The following PDSS1 variants were observed in gnomAD, a reference collection of about 807,000 sequenced individuals.
PDSS1 encodes the protein all trans-polyprenyl-diphosphate synthase PDSS1.
In PDSS1, 43 loss-of-function variants were observed where a neutral mutation model predicts 57.5. The ratio of observed to expected loss-of-function variants is 0.75; its 90% CI spans 0.59 to 0.96. PDSS1 has a LOEUF of 0.96. Among genes scored for constraint, PDSS1 ranks in the 50% least tolerant of loss-of-function variants. The pLI is 0.00. For synonymous variants in PDSS1, 175 were observed against 191.3 expected, an observed-to-expected ratio of 0.91 and a Z score of 0.70; for missense variants, 438 against 527.8, an observed-to-expected ratio of 0.83 and a Z score of 1.67.
At chr10:26,731,976 C>T (rs747839767) in intron 8 of PDSS1, among the ~76,000 whole-genome samples, 1 of 152,206 alleles carries the variant, frequency 6.6e-6, no homozygotes, top group Admixed American at 6.5e-5. Context: ...CTCGTTGAGA[C>T]GTGGCTTGTA....
chr10:26,704,390 T>G (rs2132216558), intron 2 of PDSS1, among the ~76,000 whole-genome samples: 1 of 152,308 alleles, frequency 6.6e-6, no homozygotes, highest in East Asian at 1.9e-4. Flanking sequence ...AAACTAATTT[T>G]CAGGTCTGGA....
chr10:26,734,507 T>C (rs768121828), intron 8 of PDSS1: 3 of 360,572 alleles, frequency 8.3e-6, no homozygotes, highest in Non-Finnish European at 1.6e-5. Flanking sequence ...GCCAGCTAGC[T>C]TTTTGGAGTT....
intron 2 of PDSS1, among the ~76,000 whole-genome samples, chr10:26,704,194 A>C (rs1278161692): frequency 6.6e-6 from 1 of 151,918 alleles, no homozygotes; most frequent in Non-Finnish European, 1.5e-5. Flanking sequence ...AATCCGATTC[A>C]TTCCAGAATA....
chr10:26,731,211 G>C (rs1218303721), intron 8 of PDSS1, among the ~76,000 whole-genome samples: 2 of 151,860 alleles, frequency 1.3e-5, no homozygotes, highest in African/African-American at 4.8e-5. Context: ...TATGGTGGTG[G>C]GTGCCTGTAA....
intron 11 of PDSS1, 132 bp from the exon 12 acceptor site, chr10:26,746,201 T>C (rs1836889435): frequency 2.1e-6 from 2 of 939,748 alleles, no homozygotes; most frequent in African/African-American, 1.6e-5. Context: ...ATTAGAGATG[T>C]AGTTTGACTG....
chr10:26,741,960 C>T (rs1298451912), intron 10 of PDSS1, among the ~76,000 whole-genome samples: 2 of 152,178 alleles, frequency 1.3e-5, no homozygotes, highest in Non-Finnish European at 2.9e-5. Flanking sequence ...CTGCAACCTC[C>T]ACCTCCCCAG....
At chr10:26,719,428 A>C (rs974462449) in intron 5 of PDSS1, among the ~76,000 whole-genome samples, 2 of 152,374 alleles carry the variant, frequency 1.3e-5, no homozygotes, top group East Asian at 1.9e-4. Flanking sequence ...AAAGTTTTAC[A>C]AACATCTTCT....
chr10:26,721,739 G>A (rs977792473), intron 6 of PDSS1, among the ~76,000 whole-genome samples: 1 of 152,122 alleles, frequency 6.6e-6, no homozygotes, highest in African/African-American at 2.4e-5. Flanking sequence ...AGCCTTGGGC[G>A]GGGGAAGAGG....
At chr10:26,699,255 G>A (rs1834969516) in intron 1 of PDSS1, among the ~76,000 whole-genome samples, 1 of 152,158 alleles carries the variant, frequency 6.6e-6, no homozygotes, top group Admixed American at 6.6e-5. Flanking sequence ...AGGCTTAGAG[G>A]AGGAAGGTAG....
At chr10:26,732,130 C>T (rs944475906) in intron 8 of PDSS1, among the ~76,000 whole-genome samples, 3 of 152,242 alleles carry the variant, frequency 2.0e-5, no homozygotes, top group Admixed American at 6.5e-5. Flanking sequence ...CACCCATTTC[C>T]GGAAAGATGT....
chr10:26,742,711 A>G, intron 11 of PDSS1, 134 bp downstream of exon 11: 1 of 678,844 alleles, frequency 1.5e-6, no homozygotes, highest in Non-Finnish European at 2.6e-6. Flanking sequence ...TGTGACAAAA[A>G]CTGAGAAGGG....
rs1203931422 is a variant in PDSS1, at chr10:26,704,083, C to CAAAAAAAA, written c.163-582_163-575dup. Among the ~76,000 whole-genome samples, 25 of 31,060 alleles carry CAAAAAAAA rather than the reference C, an allele frequency of 8.0e-4. 3 individuals are homozygous for CAAAAAAAA. The highest frequency in any genetic ancestry group is 2.9e-3 in the Admixed American group (5 of 1,750). 20.4% of individuals were successfully genotyped at this position (31,060 alleles called of 152,430 possible). ...GACGACAGAACGAGACTCCGTCTCACAAAAAAAAAAAAAAAAAAATATGGC... is the reference window on the plus strand; with the variant it reads ...GACGACAGAACGAGACTCCGTCTCACAAAAAAAAAAAAAAAAAAAAAAAAAAATATGGC... On this transcript the variant is annotated intron_variant, in intron 2 of 11. Transcript: ENST00000376215.
rs745844687 is a variant in PDSS1, at chr10:26,701,746, G to A, written c.130-416G>A. ...AAATGTGGGGTTGCAGCCCCCACACGGAGTCCCTGCTGGGGCACTGCCTAA... is the reference window on the plus strand; with the variant it reads ...AAATGTGGGGTTGCAGCCCCCACACAGAGTCCCTGCTGGGGCACTGCCTAA... On this transcript the variant is annotated intron_variant, in intron 1 of 11. Transcript: ENST00000376215. 43 of 450,352 alleles carry A rather than the reference G, an allele frequency of 9.5e-5. No homozygotes were observed. In the Middle Eastern group the frequency reaches 2.1e-3, roughly 22 times the overall value. 27.9% of individuals were successfully genotyped at this position (450,352 alleles called of 1,614,324 possible).
At chr10:26,713,575 A>G (rs1279366751) in intron 5 of PDSS1, among the ~76,000 whole-genome samples, 1 of 152,116 alleles carries the variant, frequency 6.6e-6, no homozygotes, top group Admixed American at 6.6e-5. Context: ...TTTTTGGGGA[A>G]GGATTTCTAT....
rs373364623 is a variant in PDSS1, at chr10:26,730,734, C to T, written c.832-4506C>T. 2.0e-5 allele frequency among the ~76,000 whole-genome samples: 3 copies of T among 152,160 alleles called. No individual in the cohort carries two copies. The East Asian group carries it at 5.8e-4, about 29-fold the overall frequency. ...CTACCCCCTTGTAGGTAAGCAGTCT[C>T]GTTCACTTCTGGTTCCTCCTTCCTG... On this transcript the variant is annotated intron_variant, in intron 8 of 11. Transcript: ENST00000376215.
chr10:26,708,473 T>C (rs866520617), intron 4 of PDSS1, among the ~76,000 whole-genome samples: 3 of 152,218 alleles, frequency 2.0e-5, no homozygotes, highest in Middle Eastern at 3.2e-3. Context: ...GAACTTTCAA[T>C]GTATTTAATG....
chr10:26,721,172 A>G (rs1835768043), intron 6 of PDSS1, among the ~76,000 whole-genome samples: 1 of 151,792 alleles, frequency 6.6e-6, no homozygotes, highest in African/African-American at 2.4e-5. Flanking sequence ...GCCAGCGTAC[A>G]CCTGTAATCT....
chr10:26,740,656 G>C (rs994041695), intron 10 of PDSS1: 6 of 456,646 alleles, frequency 1.3e-5, no homozygotes, highest in Admixed American at 2.3e-5. Flanking sequence ...TTCACTGCCA[G>C]GGAAAAACTG....
chr10:26,720,444 A>G (rs1835747869), intron 6 of PDSS1, 85 bp downstream of exon 6: 1 of 922,434 alleles, frequency 1.1e-6, no homozygotes, highest in East Asian at 2.4e-5. Flanking sequence ...TTGTCTCATT[A>G]AAAATATGCT....
Sources: gnomAD v4.1 joint callset for allele counts (sites outside exome capture counted in the v4.1 genomes callset) on GRCh38, gnomAD v4.1.1 for gene constraint, MANE v1.5 for transcripts, NCBI Gene and HGNC (gene_info 2026-07-23, HGNC 2026-07-21) for gene names.